ZNF512: variants seen among roughly 807,000 people sequenced by gnomAD.
The protein encoded by ZNF512 is zinc finger protein 512.
Under a neutral mutation model 77.5 loss-of-function variants are expected in ZNF512, and 25 were observed. The ratio of observed to expected loss-of-function variants is 0.32; its 90% confidence interval spans 0.23 to 0.45. ZNF512 has a LOEUF of 0.45. Among genes scored for constraint, ZNF512 ranks in the 20% least tolerant of loss-of-function variants. The pLI, the probability that ZNF512 is intolerant of heterozygous loss-of-function variation, is 1.00. For missense variants in ZNF512, 483 were observed against 692.6 expected (o/e 0.70, Z 3.40); for synonymous variants, 246 against 239.9 (o/e 1.03, Z -0.24).
intron 6 of ZNF512, 126 bp from the exon 7 acceptor site, chr2:27,601,230 T>C: frequency 1.5e-6 from 1 of 662,590 alleles, no homozygotes; most frequent in Non-Finnish European, 2.4e-6. Context: ...TTCTGGGATT[T>C]TGAGATTTAT....
intron 5 of ZNF512, among the ~76,000 whole-genome samples, chr2:27,600,370 C>T (rs1248211166): frequency 6.6e-6 from 1 of 152,196 alleles, no homozygotes; most frequent in Non-Finnish European, 1.5e-5. Context: ...AATCACTCAG[C>T]AGACAGGCTG....
chr2:27,614,483 T>C (rs1327625955), intron 10 of ZNF512, among the ~76,000 whole-genome samples: 2 of 152,202 alleles, frequency 1.3e-5, no homozygotes, highest in African/African-American at 2.4e-5. Flanking sequence ...TACCATGTTA[T>C]AATTGAAGAA....
chr2:27,618,929 T>C (rs1217607625), intron 13 of ZNF512, among the ~76,000 whole-genome samples: 1 of 152,184 alleles, frequency 6.6e-6, no homozygotes, highest in Non-Finnish European at 1.5e-5. Context: ...CCTTTATTTA[T>C]TTTCTGCCCT....
At chr2:27,601,289 G>A (rs1672103918) in intron 6 of ZNF512, 67 bp from the exon 7 acceptor site, 10 of 1,169,490 alleles carry the variant, frequency 8.6e-6, no homozygotes, top group Non-Finnish European at 1.2e-5. Context: ...AAGCATTTGA[G>A]TCGGACTTCA....
chr2:27,603,264 C>T lies in ZNF512; in HGVS notation c.893C>T (p.Ser298Leu). Reference sequence around the variant, plus strand: ...CACCACTGTGGAAAACCATATAGGTCGAAGGCTGGACTTGCATATCACCTG... The same window carrying T: ...CACCACTGTGGAAAACCATATAGGTTGAAGGCTGGACTTGCATATCACCTG... The part of the protein sequence containing the change: ...KCHHCGKPYR[S>L]KAGLAYHLRS... Residue 298 changes from serine (S) to leucine (L), a missense_variant, in exon 9 of 14, where the codon TCG becomes TTG. Transcript: ENST00000355467. The T allele has an allele frequency of 6.2e-7, 1 of 1,613,964 alleles. No individual in the cohort carries two copies. The highest frequency in any genetic ancestry group is 8.5e-7 in the Non-Finnish European group (1 of 1,179,950).
intron 9 of ZNF512, among the ~76,000 whole-genome samples, chr2:27,603,541 T>C (rs183726149): frequency 0.01 from 1,565 of 149,838 alleles, 15 homozygotes; most frequent in Non-Finnish European, 0.015. Flanking sequence ...AAACTCATTA[T>C]TATATATTTT....
intron 5 of ZNF512, 40 bp downstream of exon 5, chr2:27,600,093 A>G (rs761772568): frequency 7.6e-5 from 121 of 1,595,632 alleles, no homozygotes; most frequent in Non-Finnish European, 1.0e-4. Flanking sequence ...TGTAGTTCTC[A>G]CACTCTGATT....
chr2:27,599,199 G>A (rs1558468949), intron 3 of ZNF512, among the ~76,000 whole-genome samples: 1 of 152,148 alleles, frequency 6.6e-6, no homozygotes. Flanking sequence ...AGGGGCTGGT[G>A]TAAGGATTAT....
chr2:27,599,625 A>C lies in ZNF512; in HGVS notation c.320A>C (p.Gln107Pro). Residue 107 changes from glutamine (Q) to proline (P), a missense_variant, in exon 4 of 14, where the codon CAG (glutamine) becomes CCG (proline). This residue lies in a region of ZNF512 where 159 missense variants were observed against 167.5 expected (regional missense o/e 0.95). Transcript: ENST00000355467. ...GCCAAGGGGAAAAGGAAACCCAGGC[A>C]GGAAGAAGATGAAGACTATCGAGAA... ...VSAKGKRKPR[Q>P]EEDEDYREFP... 6.2e-7 allele frequency: 1 copy of C among 1,614,228 alleles called. No homozygotes were observed. Among genetic ancestry groups the C allele is most frequent in the Non-Finnish European group, 8.5e-7 (1 of 1,180,034 alleles).
chr2:27,590,249 T>C (rs1007739047), intron 2 of ZNF512, among the ~76,000 whole-genome samples: 13 of 152,358 alleles, frequency 8.5e-5, no homozygotes, highest in African/African-American at 3.1e-4. Flanking sequence ...ATTAGGCACA[T>C]ACAGTGGGTA....
intron 10 of ZNF512, among the ~76,000 whole-genome samples, chr2:27,609,616 C>G (rs947982898): frequency 1.3e-5 from 2 of 152,138 alleles, no homozygotes; most frequent in Admixed American, 6.6e-5. Context: ...CACCTGTAAT[C>G]CCAGCAATTT....
intron 7 of ZNF512, among the ~76,000 whole-genome samples, 176 bp downstream of exon 7, chr2:27,601,618 C>T (rs62138968): frequency 4.0e-5 from 6 of 151,570 alleles, no homozygotes; most frequent in Non-Finnish European, 7.4e-5. Context: ...GGACTACAGG[C>T]GTGCGCCACC....
intron 9 of ZNF512, among the ~76,000 whole-genome samples, chr2:27,603,861 G>A (rs1349904483): frequency 1.3e-5 from 2 of 151,750 alleles, no homozygotes; most frequent in Non-Finnish European, 2.9e-5. Flanking sequence ...ACCTCCCAAA[G>A]TGCTGGGATT....
chr2:27,593,336 A>G (rs1309775577), intron 2 of ZNF512, among the ~76,000 whole-genome samples: 1 of 144,934 alleles, frequency 6.9e-6, no homozygotes, highest in Non-Finnish European at 1.5e-5. Flanking sequence ...TGGGAGGTGG[A>G]GGCTGTGCTT....
intron 6 of ZNF512, 81 bp downstream of exon 6, chr2:27,600,896 G>C (rs1426585604): frequency 2.0e-6 from 3 of 1,500,032 alleles, no homozygotes; most frequent in Non-Finnish European, 2.7e-6. Flanking sequence ...GGATATGCTG[G>C]TTATAATGGA....
intron 7 of ZNF512, 28 bp downstream of exon 7, chr2:27,601,470 T>C: frequency 6.4e-7 from 1 of 1,574,374 alleles, no homozygotes; most frequent in South Asian, 1.1e-5. Flanking sequence ...CTTTTGTGAG[T>C]GTTTGGATGT....
At chr2:27,594,280 C>T (rs1260822333) in intron 2 of ZNF512, among the ~76,000 whole-genome samples, 1 of 147,092 alleles carries the variant, frequency 6.8e-6, no homozygotes, top group Admixed American at 6.8e-5. Flanking sequence ...CAGAGGCACT[C>T]CTCAGTTCGC....
At chr2:27,617,905 CAAA>C (rs61523057) in intron 13 of ZNF512, among the ~76,000 whole-genome samples, 3 of 113,704 alleles carry the variant, frequency 2.6e-5, no homozygotes, top group Non-Finnish European at 5.3e-5. Context: ...GATCCTGACT[CAAA>C]AAAAAAAAAA....
chr2:27,614,179 A>G (rs1672786278), intron 10 of ZNF512, among the ~76,000 whole-genome samples: 1 of 151,952 alleles, frequency 6.6e-6, no homozygotes, highest in Non-Finnish European at 1.5e-5. Flanking sequence ...TTCTTTTCAG[A>G]TACTTCCATT....
Sources: allele counts gnomAD v4.1 joint callset (sites outside exome capture counted in the v4.1 genomes callset), GRCh38; gene constraint gnomAD v4.1.1; regional missense constraint gnomAD v4.1.1; transcripts MANE v1.5; gene names NCBI Gene and HGNC (gene_info 2026-07-23, HGNC 2026-07-21).